COL25A1: variants seen among roughly 807,000 people sequenced by gnomAD.
COL25A1 encodes the protein collagen alpha-1(XXV) chain.
COL25A1 carries 103 observed loss-of-function variants against 128.4 expected under a neutral mutation model. The observed-to-expected ratio is 0.80, with a 90% CI of 0.68 to 0.94. The LOEUF (loss-of-function observed/expected upper bound fraction) is 0.94. Among genes scored for constraint, COL25A1 ranks in the 40% least tolerant of loss-of-function variants. The pLI is 0.00. For missense variants in COL25A1, 745 were observed against 840.0 expected, an observed-to-expected ratio of 0.89 and a Z score of 1.40; for synonymous variants, 279 against 277.2, an observed-to-expected ratio of 1.01 and a Z score of -0.06.
chr4:109,211,286 GAAACTATA>G (rs1777508584), intron 3 of COL25A1, among the ~76,000 whole-genome samples: 1 of 30,850 alleles, frequency 3.2e-5, no homozygotes, highest in African/African-American at 1.2e-4. Context: ...ATATATATAT[GAAACTATA>G]TATATATATA....
chr4:108,897,629 C>G (rs1742297864), intron 15 of COL25A1, among the ~76,000 whole-genome samples: 1 of 152,142 alleles, frequency 6.6e-6, no homozygotes, highest in Non-Finnish European at 1.5e-5. Context: ...GCAACTAGGG[C>G]AGTATCTGGC....
At chr4:109,010,242 G>A in intron 6 of COL25A1, 116 bp downstream of exon 6, 1 of 801,134 alleles carries the variant, frequency 1.2e-6, no homozygotes, top group Non-Finnish European at 2.0e-6. Context: ...TCTACTGTGT[G>A]GTGTTGTGAT....
chr4:109,177,481 T>C (rs1006325619), intron 3 of COL25A1, among the ~76,000 whole-genome samples: 6 of 152,090 alleles, frequency 3.9e-5, no homozygotes, highest in Non-Finnish European at 8.8e-5. Context: ...TTCTGACAGG[T>C]CTCCTCCTTG....
At chr4:109,247,411 T>A (rs1345536506) in intron 3 of COL25A1, among the ~76,000 whole-genome samples, 1 of 152,034 alleles carries the variant, frequency 6.6e-6, no homozygotes, top group Non-Finnish European at 1.5e-5. Flanking sequence ...AAGGCTTGAA[T>A]GTCAGGTAAG....
intron 3 of COL25A1, among the ~76,000 whole-genome samples, chr4:109,065,532 A>ACGCGCGCGCGCGCGCG (rs560432083): frequency 1.6e-5 from 2 of 126,522 alleles, no homozygotes; most frequent in African/African-American, 6.0e-5. Flanking sequence ...TTGGTGCAGC[A>ACGCGCGCGCGCGCGCG]CGCGCGCGCG....
chr4:109,268,512 G>A (rs1287204895), intron 3 of COL25A1, among the ~76,000 whole-genome samples: 2 of 152,092 alleles, frequency 1.3e-5, no homozygotes, highest in Non-Finnish European at 2.9e-5. Context: ...GGGTGGGTAG[G>A]ACCTCTTTTA....
chr4:109,014,420 C>T (rs1757013467), intron 5 of COL25A1, among the ~76,000 whole-genome samples: 2 of 109,064 alleles, frequency 1.8e-5, no homozygotes, highest in East Asian at 7.0e-4. Context: ...GGAAGAACTT[C>T]TTCAAATGAA....
chr4:109,300,337 C>A (rs1725392120), intron 3 of COL25A1, among the ~76,000 whole-genome samples: 1 of 152,130 alleles, frequency 6.6e-6, no homozygotes, highest in African/African-American at 2.4e-5. Flanking sequence ...TTGTACATCA[C>A]CTTGCCTATA....
At chr4:109,047,350 AG>A (rs1440133736) in intron 5 of COL25A1, among the ~76,000 whole-genome samples, 1 of 152,232 alleles carries the variant, frequency 6.6e-6, no homozygotes, top group Non-Finnish European at 1.5e-5. Flanking sequence ...AAATCCCACG[AG>A]GGTATTGGTG....
intron 8 of COL25A1, among the ~76,000 whole-genome samples, chr4:108,969,709 AC>A (rs1751711782): frequency 6.6e-6 from 1 of 151,996 alleles, no homozygotes; most frequent in African/African-American, 2.4e-5. Context: ...CTCCAATGAT[AC>A]CTGATGTTCC....
chr4:109,054,786 G>A (rs970448912), intron 3 of COL25A1, among the ~76,000 whole-genome samples: 2 of 152,154 alleles, frequency 1.3e-5, no homozygotes, highest in African/African-American at 2.4e-5. Context: ...GAGTGAGGAC[G>A]AAGCTGTTTG....
intron 8 of COL25A1, among the ~76,000 whole-genome samples, chr4:108,943,606 C>G (rs1004097042): frequency 6.6e-6 from 1 of 152,166 alleles, no homozygotes; most frequent in Non-Finnish European, 1.5e-5. Flanking sequence ...TCCAAAAGAA[C>G]TTGACAGTTC....
At chr4:109,255,666 C>T (rs1241784673) in intron 3 of COL25A1, among the ~76,000 whole-genome samples, 1 of 152,140 alleles carries the variant, frequency 6.6e-6, no homozygotes, top group Non-Finnish European at 1.5e-5. Flanking sequence ...CTAGTTTTCC[C>T]CTAAGCCAGA....
intron 6 of COL25A1, among the ~76,000 whole-genome samples, chr4:108,981,326 C>T (rs1752950354): frequency 6.6e-6 from 1 of 152,170 alleles, no homozygotes. Flanking sequence ...TTTACTGGCA[C>T]ACATTTTTTA....
intron 19 of COL25A1, among the ~76,000 whole-genome samples, chr4:108,876,270 G>A (rs2125822887): frequency 1.3e-5 from 2 of 151,730 alleles, no homozygotes; most frequent in South Asian, 4.2e-4. Context: ...AGGAAGAAAA[G>A]GATGAGGAGA....
chr4:109,027,655 G>A (rs1758432669), intron 5 of COL25A1, among the ~76,000 whole-genome samples: 1 of 152,012 alleles, frequency 6.6e-6, no homozygotes, highest in Non-Finnish European at 1.5e-5. Context: ...AAAGATAAAG[G>A]ATGGGATGGG....
At chr4:109,236,928 A>C (rs1309203931) in intron 3 of COL25A1, among the ~76,000 whole-genome samples, 2 of 152,114 alleles carry the variant, frequency 1.3e-5, no homozygotes, top group Admixed American at 6.6e-5. Flanking sequence ...TGTACAAAAA[A>C]AATTTCTAGG....
intron 35 of COL25A1, among the ~76,000 whole-genome samples, chr4:108,820,337 C>T (rs1731652082): frequency 6.6e-6 from 1 of 152,154 alleles, no homozygotes; most frequent in Non-Finnish European, 1.5e-5. Flanking sequence ...CAGATGAAAG[C>T]TGCATTGAAC....
intron 33 of COL25A1, 36 bp downstream of exon 33, chr4:108,827,099 C>A (rs776992179): frequency 3.1e-6 from 5 of 1,599,850 alleles, no homozygotes; most frequent in Non-Finnish European, 3.4e-6. Context: ...TCTATGCATG[C>A]GGAAGGTGGG....
Sources: allele counts gnomAD v4.1 joint callset (sites outside exome capture counted in the v4.1 genomes callset), GRCh38; gene constraint gnomAD v4.1.1; transcripts MANE v1.5; gene names NCBI Gene and HGNC (gene_info 2026-07-23, HGNC 2026-07-21).